The following CSMD3 variants were observed in gnomAD, a reference collection of about 807,000 sequenced individuals.
The protein encoded by CSMD3 is CUB and sushi domain-containing protein 3.
CSMD3 carries 177 observed loss-of-function variants against 435.2 expected under a neutral mutation model. The ratio of observed to expected loss-of-function variants is 0.41; its 90% CI spans 0.36 to 0.46. CSMD3 has a LOEUF of 0.46. CSMD3 is among the 20% of genes least tolerant of loss of function. The pLI is 0.34. For synonymous variants in CSMD3, 1,656 were observed against 1,520.5 expected (o/e 1.09, Z -2.07); for missense variants, 4,265 against 4,504.6 (o/e 0.95, Z 1.52).
At chr8:112,373,485 T>C (rs55898902) in intron 38 of CSMD3, among the ~76,000 whole-genome samples, 5,752 of 152,098 alleles carry the variant, frequency 0.038, 356 homozygotes, top group African/African-American at 0.13. Flanking sequence ...AGTATTTTGC[T>C]TATCTCAAGT....
intron 13 of CSMD3, among the ~76,000 whole-genome samples, chr8:112,690,691 A>G (rs2076116206): frequency 6.6e-6 from 1 of 151,636 alleles, no homozygotes; most frequent in Non-Finnish European, 1.5e-5. Flanking sequence ...GGATGAGTGG[A>G]AAGAGATTGA....
intron 1 of CSMD3, among the ~76,000 whole-genome samples, chr8:113,425,526 G>A (rs2094631278): frequency 6.6e-6 from 1 of 151,020 alleles, no homozygotes; most frequent in African/African-American, 2.4e-5. Context: ...CTCACAAATT[G>A]GCAATATATA....
intron 35 of CSMD3, among the ~76,000 whole-genome samples, chr8:112,401,792 A>G (rs183136437): frequency 2.0e-5 from 3 of 152,342 alleles, no homozygotes; most frequent in African/African-American, 7.2e-5. Context: ...GAAGTCAAAC[A>G]TTCAAGGAAT....
chr8:113,028,876 A>G (rs1000838368), intron 5 of CSMD3, among the ~76,000 whole-genome samples: 1 of 151,662 alleles, frequency 6.6e-6, no homozygotes, highest in African/African-American at 2.4e-5. Flanking sequence ...GCTGCAAGCT[A>G]TCCAGACGGT....
chr8:112,311,322 C>A (rs547237419), intron 49 of CSMD3, among the ~76,000 whole-genome samples, 156 bp from the exon 50 acceptor site: 1 of 152,188 alleles, frequency 6.6e-6, no homozygotes, highest in African/African-American at 2.4e-5. Flanking sequence ...GCTCTTTCCT[C>A]TTTTGAAAAT....
chr8:112,859,131 T>C lies in CSMD3; in HGVS notation c.1755+14A>G. The C allele has an allele frequency of 1.2e-6, 2 of 1,607,354 alleles. No homozygotes were observed. Among genetic ancestry groups the C allele is most frequent in the Non-Finnish European group, 1.7e-6 (2 of 1,174,472 alleles). ...TATGACTTTTTTTTTAAATCACAGATGGTGTTCTCTTACCTTATTTGTATT... is the reference window on the plus strand; with the variant it reads ...TATGACTTTTTTTTTAAATCACAGACGGTGTTCTCTTACCTTATTTGTATT... On this transcript the variant is annotated intron_variant, in intron 11 of 70. Transcript: ENST00000297405.
At chr8:113,238,842 T>A (rs1221917245) in intron 3 of CSMD3, among the ~76,000 whole-genome samples, 1 of 152,054 alleles carries the variant, frequency 6.6e-6, no homozygotes, top group Admixed American at 6.6e-5. Context: ...ATATAGCACA[T>A]CAGCTCCTAC....
intron 5 of CSMD3, among the ~76,000 whole-genome samples, chr8:113,025,930 G>A (rs997497276): frequency 2.6e-5 from 4 of 152,168 alleles, no homozygotes; most frequent in African/African-American, 9.7e-5. Context: ...GTAGTGGAAT[G>A]TCAGTAGCAC....
intron 27 of CSMD3, among the ~76,000 whole-genome samples, chr8:112,542,980 C>G (rs1826821959): frequency 6.6e-6 from 1 of 151,860 alleles, no homozygotes; most frequent in Admixed American, 6.6e-5. Context: ...TGGAGGGGTA[C>G]CAGGAATGCA....
At chr8:112,516,164 C>T (rs1823648894) in intron 28 of CSMD3, among the ~76,000 whole-genome samples, 1 of 152,048 alleles carries the variant, frequency 6.6e-6, no homozygotes, top group Admixed American at 6.6e-5. Context: ...CCCTCTAAAA[C>T]TTGATACATT....
chr8:112,257,819 C>T (rs1815953210), intron 61 of CSMD3, among the ~76,000 whole-genome samples: 1 of 152,110 alleles, frequency 6.6e-6, no homozygotes, highest in South Asian at 2.1e-4. Flanking sequence ...GCCTGCATAG[C>T]CAAGATAATC....
At chr8:112,992,099 T>C (rs919733794) in intron 6 of CSMD3, among the ~76,000 whole-genome samples, 4 of 151,822 alleles carry the variant, frequency 2.6e-5, no homozygotes, top group Non-Finnish European at 4.4e-5. Context: ...CTAGAAAATG[T>C]TTAAGGTCTA....
chr8:112,981,890 G>A (rs551195460), intron 6 of CSMD3, among the ~76,000 whole-genome samples: 2 of 151,712 alleles, frequency 1.3e-5, no homozygotes, highest in African/African-American at 2.4e-5. Flanking sequence ...AAAACAATAC[G>A]TACACATAAA....
chr8:112,701,990 G>C (rs2076398829), intron 13 of CSMD3, among the ~76,000 whole-genome samples: 1 of 152,062 alleles, frequency 6.6e-6, no homozygotes. Flanking sequence ...GGCTTCTATA[G>C]GCCTTGGACA....
chr8:112,521,843 T>C (rs1225930090), intron 27 of CSMD3, among the ~76,000 whole-genome samples: 1 of 151,810 alleles, frequency 6.6e-6, no homozygotes, highest in Admixed American at 6.6e-5. Flanking sequence ...AAAATAAGTA[T>C]AAAATTTCAC....
At chr8:113,070,741 A>AT (rs1341590789) in intron 5 of CSMD3, among the ~76,000 whole-genome samples, 1 of 152,050 alleles carries the variant, frequency 6.6e-6, no homozygotes, top group African/African-American at 2.4e-5. Context: ...ACTTAGCATA[A>AT]TGTACTCCAG....
intron 38 of CSMD3, among the ~76,000 whole-genome samples, chr8:112,375,274 A>G (rs1384500082): frequency 6.6e-6 from 1 of 152,174 alleles, no homozygotes; most frequent in African/African-American, 2.4e-5. Context: ...ACTCAATTAG[A>G]AAAGAGATTT....
intron 1 of CSMD3, among the ~76,000 whole-genome samples, chr8:113,352,710 G>C (rs1483221834): frequency 6.6e-6 from 1 of 152,078 alleles, no homozygotes; most frequent in African/African-American, 2.4e-5. Context: ...AGACTGAAAA[G>C]AAAACAGCTT....
chr8:112,806,771 G>A (rs2079097951), intron 12 of CSMD3, among the ~76,000 whole-genome samples: 1 of 152,062 alleles, frequency 6.6e-6, no homozygotes, highest in African/African-American at 2.4e-5. Flanking sequence ...GCATTCCCCC[G>A]ATCACAAACC....
Sources: allele counts gnomAD v4.1 joint callset (sites outside exome capture counted in the v4.1 genomes callset), GRCh38; gene constraint gnomAD v4.1.1; transcripts MANE v1.5; gene names NCBI Gene and HGNC (gene_info 2026-07-23, HGNC 2026-07-21).